The following FGF12 variants were observed in gnomAD, a reference collection of about 807,000 sequenced individuals.
FGF12 encodes the protein fibroblast growth factor 12, also known as fibroblast growth factor 12B.
FGF12 carries 14 observed loss-of-function variants against 23.6 expected under a neutral mutation model. The ratio of observed to expected loss-of-function variants is 0.59; its 90% CI spans 0.39 to 0.93. The LOEUF is 0.93. FGF12 is among the 40% of genes least tolerant of loss of function. The pLI is 0.00. For missense variants in FGF12, 175 were observed against 217.8 expected (o/e 0.80, Z 1.24); for synonymous variants, 62 against 77.3 (o/e 0.80, Z 1.04).
intron 4 of FGF12, among the ~76,000 whole-genome samples, chr3:192,287,737 G>A (rs540740645): frequency 2.3e-4 from 35 of 151,972 alleles, no homozygotes; most frequent in South Asian, 1.5e-3. Context: ...CAAGAACTAT[G>A]CCAGAATTTG....
chr3:192,525,177 C>A (rs182296363), intron 2 of FGF12, among the ~76,000 whole-genome samples: 1 of 152,202 alleles, frequency 6.6e-6, no homozygotes, highest in Non-Finnish European at 1.5e-5. Context: ...AAAATTCCTA[C>A]GCTATTGATA....
At chr3:192,266,436 A>G (rs1326921685) in intron 4 of FGF12, among the ~76,000 whole-genome samples, 2 of 152,142 alleles carry the variant, frequency 1.3e-5, no homozygotes, top group Non-Finnish European at 2.9e-5. Context: ...CTCCCAAATA[A>G]TAGGCAACAT....
chr3:192,663,470 C>T (rs913578328), intron 2 of FGF12, among the ~76,000 whole-genome samples: 1 of 152,114 alleles, frequency 6.6e-6, no homozygotes. Context: ...TGCCACAGAA[C>T]AGGCCTCCTG....
Position 192,508,900 on chromosome 3 carries a change from C to G in FGF12, c.14-148362G>C, listed in dbSNP as rs1437914399. 5.9e-5 allele frequency among the ~76,000 whole-genome samples: 9 copies of G among 152,140 alleles called. No individual in the cohort carries two copies. The East Asian group carries it at 1.7e-3, about 29-fold the overall frequency. On this transcript the variant is annotated intron_variant, in intron 2 of 5. Transcript: ENST00000445105. The stretch of plus-strand genomic sequence containing the variant: ...CCTTGAGGTGACTTCTACCATTAAA[C>G]ATTAAATCAAGTAAGGGTTGTTGAA...
At chr3:192,337,320 G>A (rs779449821) in intron 3 of FGF12, among the ~76,000 whole-genome samples, 3 of 152,084 alleles carry the variant, frequency 2.0e-5, no homozygotes, top group Admixed American at 6.6e-5. Flanking sequence ...CTAAAGAAGC[G>A]GAAGTTGAGA....
At chr3:192,284,256 G>C (rs372477943) in intron 4 of FGF12, among the ~76,000 whole-genome samples, 1 of 152,042 alleles carries the variant, frequency 6.6e-6, no homozygotes. Flanking sequence ...TGGAATATTC[G>C]CATTTTACCT....
intron 4 of FGF12, among the ~76,000 whole-genome samples, chr3:192,212,413 T>C (rs1717979786): frequency 6.6e-6 from 1 of 152,174 alleles, no homozygotes. Context: ...AAAAAATGTA[T>C]TAAATGTGTT....
intron 4 of FGF12, among the ~76,000 whole-genome samples, chr3:192,271,673 T>C (rs1713446907): frequency 6.6e-6 from 1 of 152,200 alleles, no homozygotes; most frequent in Non-Finnish European, 1.5e-5. Flanking sequence ...AATATTTCTG[T>C]TTGGGGGGAA....
At chr3:192,193,205 CGCTT>C (rs1716893758) in intron 4 of FGF12, among the ~76,000 whole-genome samples, 1 of 152,112 alleles carries the variant, frequency 6.6e-6, no homozygotes, top group Non-Finnish European at 1.5e-5. Flanking sequence ...TTCCTGGTCT[CGCTT>C]GCCTTGCTCT....
rs77639144 is a variant in FGF12 at position 192,381,740 on chromosome 3, C to A, written c.14-21202G>T. Reference sequence around the variant, plus strand: ...AAAATAATAACACTCCACACAAGGACAGAAGTAAAAGAAAAGGTTCAAAGT... The same window carrying A: ...AAAATAATAACACTCCACACAAGGAAAGAAGTAAAAGAAAAGGTTCAAAGT... On this transcript the variant is annotated intron_variant, in intron 2 of 5. Transcript: ENST00000445105. 1.9e-3 allele frequency among the ~76,000 whole-genome samples: 293 copies of A among 152,228 alleles called. 1 individual carries two copies. Among genetic ancestry groups the A allele is most frequent in the Non-Finnish European group, 3.2e-3 (220 of 68,018 alleles).
intron 2 of FGF12, among the ~76,000 whole-genome samples, chr3:192,480,226 T>A (rs1182508389): frequency 6.6e-6 from 1 of 152,184 alleles, no homozygotes; most frequent in African/African-American, 2.4e-5. Context: ...AAAAACTTAA[T>A]CGTAAGACTT....
At chr3:192,181,306 C>A (rs1716157231) in intron 4 of FGF12, among the ~76,000 whole-genome samples, 1 of 151,794 alleles carries the variant, frequency 6.6e-6, no homozygotes, top group Non-Finnish European at 1.5e-5. Context: ...ACGTCCTCAT[C>A]CCCCAGATTA....
At chr3:192,678,342 T>C (rs1249212479) in intron 2 of FGF12, among the ~76,000 whole-genome samples, 1 of 152,212 alleles carries the variant, frequency 6.6e-6, no homozygotes, top group Non-Finnish European at 1.5e-5. Context: ...GAGCTCATGC[T>C]TAGAAACCAC....
intron 2 of FGF12, among the ~76,000 whole-genome samples, chr3:192,476,711 C>A (rs750221160): frequency 1.1e-4 from 17 of 152,098 alleles, no homozygotes; most frequent in Non-Finnish European, 1.9e-4. Context: ...CAGAGAAGTA[C>A]CTAGCAGTCT....
intron 4 of FGF12, among the ~76,000 whole-genome samples, chr3:192,317,911 G>A (rs1716314931): frequency 6.6e-6 from 1 of 152,126 alleles, no homozygotes; most frequent in Admixed American, 6.5e-5. Context: ...ATTTGCTTGG[G>A]GAAAAGTAAG....
At position 192,668,658 on chromosome 3, in the gene FGF12, G is replaced by A. The variant is rs150848196; in HGVS notation, c.13+58523C>T. On this transcript the variant is annotated intron_variant, in intron 2 of 5. Transcript: ENST00000445105. Reference sequence around the variant, plus strand: ...AGAACTCATCCTGAGATGCTATCATGAGACCTGGTTTGGAGCTGTGCATCG... The same window carrying A: ...AGAACTCATCCTGAGATGCTATCATAAGACCTGGTTTGGAGCTGTGCATCG... 5.4e-3 allele frequency among the ~76,000 whole-genome samples: 815 copies of A among 152,274 alleles called. 6 individuals carry two copies. The highest frequency in any genetic ancestry group is 0.01 in the Middle Eastern group (3 of 294).
chr3:192,399,535 T>C (rs972001486), intron 2 of FGF12, among the ~76,000 whole-genome samples: 12 of 152,148 alleles, frequency 7.9e-5, no homozygotes, highest in African/African-American at 2.9e-4. Context: ...TATTAGTGTA[T>C]AAAATTTCTA....
chr3:192,167,056 A>C (rs1348928700), intron 5 of FGF12, among the ~76,000 whole-genome samples: 1 of 151,672 alleles, frequency 6.6e-6, no homozygotes, highest in Non-Finnish European at 1.5e-5. Context: ...GAAATCAGAG[A>C]TATTCTAAAA....
At chr3:192,340,456 A>AT (rs771582139) in intron 3 of FGF12, among the ~76,000 whole-genome samples, 4 of 152,162 alleles carry the variant, frequency 2.6e-5, no homozygotes, top group Non-Finnish European at 5.9e-5. Context: ...TATATTAGCA[A>AT]TCCCAGTAAA....
Sources: gnomAD v4.1 joint callset for allele counts (sites outside exome capture counted in the v4.1 genomes callset) on GRCh38, gnomAD v4.1.1 for gene constraint, MANE v1.5 for transcripts, NCBI Gene and HGNC (gene_info 2026-07-23, HGNC 2026-07-21) for gene names.